Variants in SMURF2 observed in about 807,000 individuals in gnomAD.
The protein encoded by SMURF2 is SMAD specific E3 ubiquitin protein ligase 2.
In SMURF2, 48 loss-of-function variants were observed where a neutral mutation model predicts 109.6. That is an observed-to-expected ratio of 0.44 (90% CI 0.35 to 0.56). The LOEUF is 0.56. Among genes scored for constraint, SMURF2 ranks in the 20% least tolerant of loss-of-function variants. The pLI is 0.01. For missense variants in SMURF2, 575 were observed against 909.0 expected, an observed-to-expected ratio of 0.63 and a Z score of 4.72; for synonymous variants, 288 against 317.1, an observed-to-expected ratio of 0.91 and a Z score of 0.97.
At position 64,581,520 on chromosome 17, in the gene SMURF2, C is replaced by G. The variant is rs1174255829; in HGVS notation, c.570-529G>C. On this transcript the variant is annotated intron_variant, in intron 7 of 18. Coordinates refer to ENST00000262435, the MANE Select transcript of SMURF2 (RefSeq NM_022739.4). This position sits in a 1 kb window ranked among gnomAD's most constrained non-coding sequence, Gnocchi z 4.3. ...CCTCCTAAGAGGTCCCTCAGACCTC[C>G]CAATCTAAAAAAGTCACCCAGTCAT... Among the ~76,000 whole-genome samples the G allele has an allele frequency of 6.6e-6, 1 of 152,024 alleles. No individual in the cohort carries two copies. Among genetic ancestry groups the G allele is most frequent in the Admixed American group, 6.6e-5 (1 of 15,260 alleles).
chr17:64,652,514 A>G (rs1555693587), intron 1 of SMURF2, among the ~76,000 whole-genome samples: 1 of 152,160 alleles, frequency 6.6e-6, no homozygotes, highest in South Asian at 2.1e-4. Flanking sequence ...TTGAGACAGA[A>G]TCTCGCTCTG....
chr17:64,569,757 T>C (rs1352557262), intron 10 of SMURF2, among the ~76,000 whole-genome samples: 3 of 152,236 alleles, frequency 2.0e-5, no homozygotes, highest in African/African-American at 7.2e-5. Flanking sequence ...TAAACTGGCA[T>C]AGCCACTTTA....
chr17:64,653,764 G>A (rs1252823170), intron 1 of SMURF2, among the ~76,000 whole-genome samples: 1 of 152,082 alleles, frequency 6.6e-6, no homozygotes, highest in Admixed American at 6.6e-5. Flanking sequence ...TTACCCAAGG[G>A]CAAGAAAAAC....
chr17:64,631,287 A>AGAGAGG (rs1970342145), intron 1 of SMURF2, among the ~76,000 whole-genome samples: 1 of 45,894 alleles, frequency 2.2e-5, no homozygotes, highest in Non-Finnish European at 3.7e-5. Context: ...GGGGGGAGAG[A>AGAGAGG]GAGAGAGAGA....
At chr17:64,593,607 T>C in intron 3 of SMURF2, 34 bp from the exon 4 acceptor site, 1 of 1,472,932 alleles carries the variant, frequency 6.8e-7, no homozygotes, top group Non-Finnish European at 9.1e-7. Context: ...AGTAACTTGG[T>C]AGTTACAGGC....
At chr17:64,627,376 A>G (rs917864120) in intron 1 of SMURF2, among the ~76,000 whole-genome samples, 5 of 152,130 alleles carry the variant, frequency 3.3e-5, no homozygotes, top group African/African-American at 1.2e-4. Flanking sequence ...TCAGCCTCCC[A>G]AAGTGCTGGG....
chr17:64,607,140 A>C (rs1487440306), intron 1 of SMURF2, among the ~76,000 whole-genome samples: 3 of 151,746 alleles, frequency 2.0e-5, no homozygotes, highest in African/African-American at 7.3e-5. Flanking sequence ...GGGAGAAATC[A>C]AATTACCTTC....
At chr17:64,642,102 C>T (rs1258217627) in intron 1 of SMURF2, among the ~76,000 whole-genome samples, 2 of 152,206 alleles carry the variant, frequency 1.3e-5, no homozygotes, top group Non-Finnish European at 1.5e-5. Context: ...CCATCACGCC[C>T]GGCCCTAGGG....
At chr17:64,652,251 T>C (rs72844242) in intron 1 of SMURF2, among the ~76,000 whole-genome samples, 3,383 of 152,304 alleles carry the variant, frequency 0.022, 51 homozygotes, top group Non-Finnish European at 0.037. Flanking sequence ...GTAATAAAAA[T>C]AATATCTGTC....
chr17:64,591,970 A>G (rs1349642894), intron 4 of SMURF2, among the ~76,000 whole-genome samples: 1 of 152,242 alleles, frequency 6.6e-6, no homozygotes, highest in Non-Finnish European at 1.5e-5. Flanking sequence ...CAGTCACAAG[A>G]AACAGAAAAA....
chr17:64,554,438 G>C (rs1969090458), intron 15 of SMURF2, among the ~76,000 whole-genome samples: 1 of 152,148 alleles, frequency 6.6e-6, no homozygotes, highest in Non-Finnish European at 1.5e-5. Flanking sequence ...AGTGGCTATG[G>C]GGAGAGGGAG....
chr17:64,615,303 C>G (rs1192534295), intron 1 of SMURF2, among the ~76,000 whole-genome samples: 1 of 152,106 alleles, frequency 6.6e-6, no homozygotes, highest in Non-Finnish European at 1.5e-5. Context: ...CTTCCTTCAC[C>G]CCACAAAAAG....
intron 10 of SMURF2, among the ~76,000 whole-genome samples, chr17:64,564,145 C>T (rs781799188): frequency 1.3e-5 from 2 of 152,070 alleles, no homozygotes; most frequent in Non-Finnish European, 2.9e-5. Flanking sequence ...GAAATGAGGG[C>T]ATATACATAC....
intron 1 of SMURF2, among the ~76,000 whole-genome samples, chr17:64,629,417 T>G (rs1181606567): frequency 6.6e-6 from 1 of 152,012 alleles, no homozygotes; most frequent in Admixed American, 6.6e-5. Context: ...GGCAAAAGGA[T>G]AGCCTGAGCC....
chr17:64,546,539 G>A (rs1434263604), intron 17 of SMURF2, among the ~76,000 whole-genome samples: 2 of 152,160 alleles, frequency 1.3e-5, no homozygotes, highest in African/African-American at 2.4e-5. Flanking sequence ...CTTAGATTCC[G>A]TAATAGGTTC....
rs1555693135 is a variant in SMURF2, at chr17:64,648,062, A to AC, written c.52+13766_52+13767insG. 1.5e-3 allele frequency among the ~76,000 whole-genome samples: 169 copies of AC among 110,090 alleles called. 6 individuals carry two copies. Among genetic ancestry groups the AC allele is most frequent in the African/African-American group, 0.013 (164 of 12,278 alleles). 72.2% of individuals were successfully genotyped at this position (110,090 alleles called of 152,430 possible). A position where few individuals can be genotyped will look rare whatever the true frequency, so the allele number is the denominator to read the frequency against. On this transcript the variant is annotated intron_variant, in intron 1 of 18. Transcript: ENST00000262435. ...ACACAGTGAGACCCTATCTCTTAAAAAAAAAAAAAAAAAAAAAAAAAAAAA... is the reference window on the plus strand; with the variant it reads ...ACACAGTGAGACCCTATCTCTTAAAACAAAAAAAAAAAAAAAAAAAAAAAAA...
rs370808880 is a variant in SMURF2 at position 64,561,613 on chromosome 17, ATAATTTT to A, written c.1213-17_1213-11del. On this transcript the variant is annotated splice_polypyrimidine_tract_variant and intron_variant, in intron 11 of 18. Transcript: ENST00000262435. ...CCTGTCGATATGATTCCTGAAAAAA[ATAATTTT>A]TAATACCCTATTACTATTAGGTCCT... The A allele has an allele frequency of 1.9e-6, 3 of 1,566,450 alleles. No individual in the cohort carries two copies. Among genetic ancestry groups the A allele is most frequent in the African/African-American group, 1.4e-5 (1 of 74,026 alleles).
At chr17:64,598,244 TG>T in intron 3 of SMURF2, 137 bp downstream of exon 3, 2 of 585,062 alleles carry the variant, frequency 3.4e-6, no homozygotes, top group Non-Finnish European at 5.6e-6. Context: ...ACATTCCCAC[TG>T]GGCTTTTCTT....
chr17:64,573,235 GGGAGGAGGAGGAGGAGGGGAGGA>G (rs1969438200), intron 9 of SMURF2, among the ~76,000 whole-genome samples: 1 of 20,660 alleles, frequency 4.8e-5, no homozygotes, highest in South Asian at 3.2e-3. Context: ...GGAGGAGGAG[GGGAGGAGGAGGAGGAGGGGAGGA>G]GGAGGAGGAG....
Sources: allele counts gnomAD v4.1 joint callset (sites outside exome capture counted in the v4.1 genomes callset), GRCh38; gene constraint gnomAD v4.1.1; non-coding constraint Gnocchi (gnomAD v3.1); transcripts MANE v1.5; gene names NCBI Gene and HGNC (gene_info 2026-07-23, HGNC 2026-07-21).